Variants in UBE3D observed in about 807,000 individuals in gnomAD.
UBE3D encodes ubiquitin protein ligase E3D, also known as E3 ubiquitin-protein ligase E3D.
UBE3D carries 48 observed loss-of-function variants against 49.6 expected under a neutral mutation model. That is an observed-to-expected ratio of 0.97 (90% CI 0.77 to 1.23). The LOEUF is 1.23. Ranked by LOEUF, UBE3D falls within the 50% of genes most tolerant of loss-of-function variation. The pLI is 0.00. For missense variants in UBE3D, 452 were observed against 468.4 expected, an observed-to-expected ratio of 0.96 and a Z score of 0.32; for synonymous variants, 189 against 174.2, an observed-to-expected ratio of 1.08 and a Z score of -0.67.
At chr6:82,985,351 TTTTTG>T (rs200511813) in intron 8 of UBE3D, among the ~76,000 whole-genome samples, 15 of 151,914 alleles carry the variant, frequency 9.9e-5, no homozygotes, top group East Asian at 3.9e-4. Context: ...TGGTTTTGTT[TTTTTG>T]TTTTGTTTTG....
intron 9 of UBE3D, among the ~76,000 whole-genome samples, chr6:82,935,209 T>TG (rs1483503337): frequency 2.0e-5 from 3 of 151,076 alleles, no homozygotes; most frequent in Non-Finnish European, 4.4e-5. Flanking sequence ...GCTCATCACA[T>TG]GGAGAAAGCA....
At chr6:82,943,463 C>G (rs980749024) in intron 9 of UBE3D, among the ~76,000 whole-genome samples, 35 of 152,010 alleles carry the variant, frequency 2.3e-4, no homozygotes, top group African/African-American at 7.3e-4. Flanking sequence ...TGGTGAAACC[C>G]CGTGTCCACT....
intron 3 of UBE3D, among the ~76,000 whole-genome samples, chr6:83,053,274 GTAC>G (rs1283468882): frequency 2.6e-5 from 4 of 152,138 alleles, no homozygotes; most frequent in Non-Finnish European, 5.9e-5. Flanking sequence ...ACAGGTAGAA[GTAC>G]AGCATTACTG....
intron 1 of UBE3D, among the ~76,000 whole-genome samples, chr6:83,059,178 T>G: frequency 6.6e-6 from 1 of 152,092 alleles, no homozygotes; most frequent in East Asian, 1.9e-4. Context: ...GCCAAGAAGT[T>G]TGAGACCAGC....
At chr6:83,010,784 T>C (rs1165744019) in intron 8 of UBE3D, among the ~76,000 whole-genome samples, 1 of 152,134 alleles carries the variant, frequency 6.6e-6, no homozygotes, top group African/African-American at 2.4e-5. Flanking sequence ...CTTTTCATGT[T>C]TTTTTCTGTC....
At position 83,022,544 on chromosome 6, in the gene UBE3D, C is replaced by T; in HGVS notation, c.755G>A (p.Ser252Asn). 6.3e-7 allele frequency: 1 copy of T among 1,594,718 alleles called. No individual in the cohort carries two copies. The highest frequency in any genetic ancestry group is 1.4e-5 in the African/African-American group (1 of 73,504). The change falls in exon 7 of 10, where the codon AGC (serine) becomes AAC (asparagine). Residue 252 changes from serine (S) to asparagine (N), a missense_variant. By Grantham distance (46) the Ser-to-Asn change is conservative. Transcript: ENST00000369747. ...CTGCACCAGACACTGGGCGATCACG[C>T]TCTGGACAAACCAAGACCTGTTTGA... ...PIIPRSWFVQSVIAQCLVQLS... is the reference protein window; with the variant it reads ...PIIPRSWFVQNVIAQCLVQLS...
At position 82,973,222 on chromosome 6, in the gene UBE3D, T is replaced by C. The variant is rs529424398; in HGVS notation, c.1011-15772A>G. ...TCTAGCAACTTGGATTTGATTCTCC[T>C]ATAAGAATTTGATTTGTATGCACCT... On this transcript the variant is annotated intron_variant, in intron 8 of 9. Coordinates refer to ENST00000369747, the MANE Select transcript of UBE3D (RefSeq NM_198920.3). Among the ~76,000 whole-genome samples the C allele has an allele frequency of 2.0e-5, 3 of 152,342 alleles. No individual in the cohort carries two copies. In the South Asian group the frequency reaches 6.2e-4, roughly 32 times the overall value.
At chr6:82,888,991 T>G (rs1770935766), downstream of UBE3D, among the ~76,000 whole-genome samples, 1 of 152,240 alleles carries the variant, frequency 6.6e-6, no homozygotes, top group Non-Finnish European at 1.5e-5. Context: ...GTAAAACCTA[T>G]CTTAAAATGT....
chr6:83,030,613 A>G (rs1781798252), intron 5 of UBE3D, among the ~76,000 whole-genome samples: 1 of 152,110 alleles, frequency 6.6e-6, no homozygotes, highest in African/African-American at 2.4e-5. Context: ...GTACTAGTAG[A>G]GTGGGGTGTT....
the UBE3D span, among the ~76,000 whole-genome samples, chr6:82,886,300 C>T: frequency 6.6e-6 from 1 of 152,108 alleles, no homozygotes; most frequent in African/African-American, 2.4e-5. Context: ...AGATCACCAG[C>T]CATTGGTTAG....
chr6:83,002,230 T>C (rs1036736883), intron 8 of UBE3D, among the ~76,000 whole-genome samples: 1 of 152,230 alleles, frequency 6.6e-6, no homozygotes, highest in Non-Finnish European at 1.5e-5. Flanking sequence ...CTGTTCTCCA[T>C]GAAAACCTGT....
chr6:82,917,048 C>T (rs943066125), intron 9 of UBE3D, among the ~76,000 whole-genome samples: 8 of 152,140 alleles, frequency 5.3e-5, no homozygotes, highest in Non-Finnish European at 8.8e-5. Flanking sequence ...GTTCTGCCTC[C>T]AAATCCTGCT....
intron 8 of UBE3D, among the ~76,000 whole-genome samples, chr6:82,985,733 AT>A (rs1251979848): frequency 6.6e-6 from 1 of 151,858 alleles, no homozygotes; most frequent in African/African-American, 2.4e-5. Context: ...ATTAAATTTT[AT>A]TTTTTTCTTT....
chr6:83,035,690 T>A (rs1782197325), intron 5 of UBE3D, among the ~76,000 whole-genome samples: 1 of 152,204 alleles, frequency 6.6e-6, no homozygotes, highest in South Asian at 2.1e-4. Flanking sequence ...TCCTTACTAT[T>A]CCTCTATTAA....
chr6:83,022,559 G>A lies in UBE3D; in HGVS notation c.740C>T (p.Ser247Phe), dbSNP rs1211136668. 1.9e-6 allele frequency: 3 copies of A among 1,568,298 alleles called. No individual in the cohort carries two copies. Among genetic ancestry groups the A allele is most frequent in the Non-Finnish European group, 1.7e-6 (2 of 1,163,410 alleles). ...GGCGATCACGCTCTGGACAAACCAA[G>A]ACCTGTTTGAACAGAAATCAATTTT... ...SERSFPIIPRSWFVQSVIAQC... is the reference protein window; with the variant it reads ...SERSFPIIPRFWFVQSVIAQC... Residue 247 changes from serine (S) to phenylalanine (F), a missense_variant and splice_region_variant, in exon 7 of 10, where the codon TCT (serine) becomes TTT (phenylalanine). Transcript: ENST00000369747.
At chr6:82,884,808 A>G in the UBE3D span, among the ~76,000 whole-genome samples, 2 of 152,196 alleles carry the variant, frequency 1.3e-5, no homozygotes, top group Admixed American at 1.3e-4. Context: ...CGGGTTCACC[A>G]GGGAAGATGA....
chr6:83,045,765 G>C (rs183672354), intron 3 of UBE3D, among the ~76,000 whole-genome samples: 1 of 152,276 alleles, frequency 6.6e-6, no homozygotes, highest in East Asian at 1.9e-4. Context: ...TACCATGGTA[G>C]ATTTGTCAAA....
intron 6 of UBE3D, among the ~76,000 whole-genome samples, chr6:83,023,000 A>C (rs1321092480): frequency 1.3e-5 from 2 of 152,224 alleles, no homozygotes; most frequent in African/African-American, 2.4e-5. Context: ...TGAGGTACAG[A>C]ATCAAAGTAT....
intron 8 of UBE3D, among the ~76,000 whole-genome samples, chr6:82,976,469 G>A (rs1166711159): frequency 2.0e-5 from 3 of 152,084 alleles, no homozygotes; most frequent in Non-Finnish European, 2.9e-5. Context: ...ATTTACAACT[G>A]CTCCGAGATT....
Sources: allele counts gnomAD v4.1 joint callset (sites outside exome capture counted in the v4.1 genomes callset), GRCh38; gene constraint gnomAD v4.1.1; transcripts MANE v1.5; gene names NCBI Gene and HGNC (gene_info 2026-07-23, HGNC 2026-07-21).